Variants in KDM4B observed in about 807,000 individuals in gnomAD.
KDM4B encodes lysine-specific demethylase 4B.
KDM4B carries 32 observed loss-of-function variants against 125.2 expected under a neutral mutation model. That is an observed-to-expected ratio of 0.26 (90% CI 0.19 to 0.34). The LOEUF (loss-of-function observed/expected upper bound fraction) is 0.34. Among genes scored for constraint, KDM4B ranks in the 10% least tolerant of loss-of-function variants. The pLI is 1.00. For synonymous variants in KDM4B, 721 were observed against 677.9 expected, an observed-to-expected ratio of 1.06 and a Z score of -0.99; for missense variants, 1,190 against 1,577.7, an observed-to-expected ratio of 0.75 and a Z score of 4.16.
At chr19:5,052,970 C>T (rs1337365059) in intron 6 of KDM4B, among the ~76,000 whole-genome samples, 1 of 152,254 alleles carries the variant, frequency 6.6e-6, no homozygotes, top group Non-Finnish European at 1.5e-5. Context: ...GCATTCCTCC[C>T]AGCCGCTTTG....
intron 1 of KDM4B, among the ~76,000 whole-genome samples, chr19:5,008,752 G>C (rs1231543431): frequency 6.7e-6 from 1 of 149,814 alleles, no homozygotes; most frequent in Admixed American, 6.7e-5. Context: ...CACCACACTT[G>C]GCTAATTTTT....
chr19:5,082,305 C>T lies in KDM4B; in HGVS notation c.781-62C>T, dbSNP rs2038324026. On this transcript the variant is annotated intron_variant, in intron 8 of 22. Coordinates refer to ENST00000159111, the MANE Select transcript of KDM4B (RefSeq NM_015015.3). This position sits in a 1 kb window ranked among gnomAD's most constrained non-coding sequence, Gnocchi z 5.4. ...CCTGGCACTTGCTGGGAAGTGCCCA[C>T]GTCCCATCCCCTGGTGCGCCTCTGG... 5.6e-6 allele frequency: 9 copies of T among 1,601,972 alleles called. No individual in the cohort carries two copies. Among genetic ancestry groups the T allele is most frequent in the Admixed American group, 3.4e-5 (2 of 59,348 alleles).
chr19:5,064,162 G>A (rs954069724), intron 6 of KDM4B, among the ~76,000 whole-genome samples: 2 of 152,152 alleles, frequency 1.3e-5, no homozygotes, highest in African/African-American at 2.4e-5. Flanking sequence ...TCCCGGGGGC[G>A]CCACTGGCGT....
rs566099190 is a variant in KDM4B at position 5,152,407 on chromosome 19, T to G, written c.*896T>G. ...AAACGCAGGTGTTCCAGAGGCTTCC[T>G]TGCAGACAAAGCACCCCTGCACCTC... is the stretch of plus-strand genomic sequence containing the variant. On this transcript the variant is annotated 3_prime_UTR_variant, in exon 23 of 23. Coordinates refer to ENST00000159111, the MANE Select transcript of KDM4B (RefSeq NM_015015.3). 6.6e-5 allele frequency: 10 copies of G among 152,436 alleles called. No homozygotes were observed. In the East Asian group the frequency reaches 1.7e-3, roughly 26 times the overall value. The allele number at this position is 152,436 out of a possible 1,614,324, so 9.4% of individuals were successfully genotyped here.
intron 6 of KDM4B, among the ~76,000 whole-genome samples, chr19:5,060,435 A>G (rs998864372): frequency 1.5e-5 from 1 of 68,808 alleles, no homozygotes; most frequent in Non-Finnish European, 2.5e-5. Flanking sequence ...TCTGTCTCCA[A>G]AAAAAAAAAA....
At position 5,128,861 on chromosome 19, in the gene KDM4B, G is replaced by A. The variant is rs571909754; in HGVS notation, c.1316-2215G>A. 1.0e-3 allele frequency among the ~76,000 whole-genome samples: 55 copies of A among 52,530 alleles called. 3 individuals are homozygous for A. The highest frequency in any genetic ancestry group is 3.4e-3 in the African/African-American group (53 of 15,500). The allele number at this position is 52,530 out of a possible 152,430, so 34.5% of individuals were successfully genotyped here. A position where few individuals can be genotyped will look rare whatever the true frequency, so the allele number is the denominator to read the frequency against. On this transcript the variant is annotated intron_variant, in intron 11 of 22. Transcript: ENST00000159111. ...CCAGATAACAGTGGAGGCGGGGGGC[G>A]GGGGGGGGGGTCATATAACAGCGGG...
At chr19:5,089,584 A>G (rs899400265) in intron 9 of KDM4B, among the ~76,000 whole-genome samples, 2 of 152,036 alleles carry the variant, frequency 1.3e-5, no homozygotes, top group East Asian at 1.9e-4. Flanking sequence ...GTGGTTCTTG[A>G]ACTGGGAAAG....
chr19:5,083,241 T>C (rs1799326289), intron 9 of KDM4B, among the ~76,000 whole-genome samples: 1 of 152,176 alleles, frequency 6.6e-6, no homozygotes, highest in Non-Finnish European at 1.5e-5. Flanking sequence ...TTCTCGACCA[T>C]GCGGAGGGTG....
intron 13 of KDM4B, among the ~76,000 whole-genome samples, chr19:5,132,354 C>T (rs751355600): frequency 3.3e-5 from 5 of 152,080 alleles, no homozygotes; most frequent in East Asian, 1.9e-4. Context: ...AAGGCTCCCG[C>T]GAAGCTTTGA....
intron 13 of KDM4B, among the ~76,000 whole-genome samples, chr19:5,132,363 G>A (rs968160945): frequency 6.6e-6 from 1 of 152,194 alleles, no homozygotes; most frequent in African/African-American, 2.4e-5. Context: ...GCGAAGCTTT[G>A]AGTGGGAGGG....
intron 8 of KDM4B, among the ~76,000 whole-genome samples, chr19:5,080,154 T>G (rs1440277467): frequency 6.6e-6 from 1 of 152,208 alleles, no homozygotes; most frequent in African/African-American, 2.4e-5. Context: ...CTTCCCTTGA[T>G]TGGTGCAATT....
In KDM4B at chr19:5,114,199, G is replaced by C. The variant is rs546710112; in HGVS notation, c.1115+3381G>C. ...TGCAAACTCTTTCCACGCGAGAAGC[G>C]CCATGTGCACGTGCTCCAGCAGGTA... On this transcript the variant is annotated intron_variant, in intron 10 of 22. Coordinates refer to ENST00000159111, the MANE Select transcript of KDM4B (RefSeq NM_015015.3). This position sits in a 1 kb window ranked among gnomAD's most constrained non-coding sequence, Gnocchi z 5.8. 7.8e-7 allele frequency: 1 copy of C among 1,289,688 alleles called. No homozygotes were observed. The allele number at this position is 1,289,688 out of a possible 1,614,324, so 79.9% of individuals were successfully genotyped here. A position where few individuals can be genotyped will look rare whatever the true frequency, so the allele number is the denominator to read the frequency against.
chr19:5,018,508 C>T (rs964192047), intron 2 of KDM4B, among the ~76,000 whole-genome samples: 6 of 152,218 alleles, frequency 3.9e-5, no homozygotes, highest in Admixed American at 2.0e-4. Context: ...ACCATGTGGG[C>T]TTGCTGTGGT....
chr19:5,153,584 A>G lies in KDM4B; in HGVS notation c.*2073A>G, dbSNP rs2039983413. 1.3e-5 allele frequency: 2 copies of G among 152,266 alleles called. No homozygotes were observed. The highest frequency in any genetic ancestry group is 2.9e-5 in the Non-Finnish European group (2 of 68,064). The allele number at this position is 152,266 out of a possible 1,614,324, so 9.4% of individuals were successfully genotyped here. On this transcript the variant is annotated 3_prime_UTR_variant, in exon 23 of 23. Coordinates refer to ENST00000159111, the MANE Select transcript of KDM4B (RefSeq NM_015015.3). ...TAGGTTCATAATGAATTAAAGGTTC[A>G]TGAACGCTGCGAAACCCCGTTCCAT...
intron 1 of KDM4B, among the ~76,000 whole-genome samples, chr19:4,988,351 C>G (rs577540616): frequency 6.6e-6 from 1 of 152,148 alleles, no homozygotes; most frequent in Non-Finnish European, 1.5e-5. Flanking sequence ...TCTAGGCTCA[C>G]TGCAAGCTCC....
chr19:4,992,466 G>A (rs1468210487), intron 1 of KDM4B, among the ~76,000 whole-genome samples: 1 of 146,416 alleles, frequency 6.8e-6, no homozygotes, highest in Non-Finnish European at 1.5e-5. Flanking sequence ...TTTTTTCCTT[G>A]CGATAGGATC....
chr19:5,059,790 A>G (rs966596937), intron 6 of KDM4B, among the ~76,000 whole-genome samples: 13 of 57,608 alleles, frequency 2.3e-4, no homozygotes, highest in Non-Finnish European at 3.3e-4. Flanking sequence ...GTAAGCATAG[A>G]GGCATCAGAG....
intron 7 of KDM4B, chr19:5,076,656 A>C (rs111227176): frequency 3.9e-3 from 308 of 78,578 alleles, no homozygotes; most frequent in African/African-American, 7.3e-3. Context: ...CTCTCGTTGA[A>C]TGAGTGATGA....
chr19:4,987,246 C>A (rs532471466), intron 1 of KDM4B, among the ~76,000 whole-genome samples: 24 of 152,356 alleles, frequency 1.6e-4, no homozygotes, highest in African/African-American at 5.8e-4. Flanking sequence ...GAAAGAAACA[C>A]AAAATGCAGC....
Sources: allele counts gnomAD v4.1 joint callset (sites outside exome capture counted in the v4.1 genomes callset), GRCh38; gene constraint gnomAD v4.1.1; non-coding constraint Gnocchi (gnomAD v3.1); transcripts MANE v1.5; gene names NCBI Gene and HGNC (gene_info 2026-07-23, HGNC 2026-07-21).